Variants in FER observed in about 807,000 individuals in gnomAD.
FER encodes tyrosine-protein kinase Fer.
In FER, 63 loss-of-function variants were observed where a neutral mutation model predicts 111.0. That is an observed-to-expected ratio of 0.57 (90% confidence interval 0.46 to 0.70). FER has a LOEUF of 0.70. FER is among the 30% of genes least tolerant of loss of function. The pLI is 0.00. For synonymous variants in FER, 327 were observed against 313.9 expected, an observed-to-expected ratio of 1.04 and a Z score of -0.44; for missense variants, 914 against 954.0, an observed-to-expected ratio of 0.96 and a Z score of 0.55.
At chr5:108,750,692 T>C (rs966558882) in intron 1 of FER, among the ~76,000 whole-genome samples, 1 of 152,234 alleles carries the variant, frequency 6.6e-6, no homozygotes, top group Non-Finnish European at 1.5e-5. Context: ...ACATTTCATC[T>C]TCGATGTAGA....
At chr5:109,013,079 T>C (rs1431970071) in intron 13 of FER, among the ~76,000 whole-genome samples, 2 of 151,616 alleles carry the variant, frequency 1.3e-5, no homozygotes, top group Non-Finnish European at 2.9e-5. Flanking sequence ...TAATTTAATT[T>C]AATTTTATTA....
intron 5 of FER, among the ~76,000 whole-genome samples, chr5:108,840,380 A>C (rs1474185477): frequency 1.3e-5 from 2 of 152,154 alleles, no homozygotes; most frequent in Non-Finnish European, 2.9e-5. Flanking sequence ...CCAATCTAAT[A>C]GTTTTTATTT....
At chr5:108,930,839 C>T (rs1282080890) in intron 10 of FER, among the ~76,000 whole-genome samples, 2 of 151,574 alleles carry the variant, frequency 1.3e-5, no homozygotes, top group Non-Finnish European at 2.9e-5. Flanking sequence ...GGCTCGAACT[C>T]CTAACCTCAA....
intron 17 of FER, among the ~76,000 whole-genome samples, chr5:109,148,174 G>A (rs1482222464): frequency 6.6e-6 from 1 of 151,952 alleles, no homozygotes; most frequent in Non-Finnish European, 1.5e-5. Flanking sequence ...CAACTCTCCA[G>A]TGAATAATTA....
At chr5:108,939,492 G>T (rs1280331708) in intron 10 of FER, among the ~76,000 whole-genome samples, 1 of 151,972 alleles carries the variant, frequency 6.6e-6, no homozygotes, top group Non-Finnish European at 1.5e-5. Context: ...TGTCGTCAAG[G>T]ATTTGTTTTC....
intron 2 of FER, among the ~76,000 whole-genome samples, chr5:108,774,797 T>G (rs773274420): frequency 7.9e-5 from 12 of 152,176 alleles, no homozygotes; most frequent in Non-Finnish European, 1.6e-4. Flanking sequence ...TATTAGACTT[T>G]TGTCACATGG....
chr5:108,844,807 A>C (rs183740397), intron 5 of FER, among the ~76,000 whole-genome samples: 47 of 151,526 alleles, frequency 3.1e-4, no homozygotes, highest in Admixed American at 6.6e-4. Context: ...AGTTATTTTG[A>C]AATCCATCCA....
intron 16 of FER, among the ~76,000 whole-genome samples, chr5:109,071,626 A>C (rs1232315449): frequency 6.6e-6 from 1 of 151,962 alleles, no homozygotes; most frequent in Non-Finnish European, 1.5e-5. Context: ...AACAGTATAC[A>C]GTCTTATCTT....
rs201587686 is a variant in FER at position 108,853,512 on chromosome 5, T to C, written c.482-14255T>C. Among the ~76,000 whole-genome samples the C allele has an allele frequency of 2.3e-4, 35 of 152,264 alleles. 1 individual carries two copies. The East Asian group carries it at 5.6e-3, about 24-fold the overall frequency. ...TGTATTCCTCATGGAGAAAGAAACA[T>C]TTAAATAAAGAATGAAGGAAGTCAG... On this transcript the variant is annotated intron_variant, in intron 5 of 19. Coordinates refer to ENST00000281092, the MANE Select transcript of FER (RefSeq NM_005246.4).
intron 5 of FER, among the ~76,000 whole-genome samples, chr5:108,853,082 T>A (rs1347394130): frequency 6.6e-6 from 1 of 152,168 alleles, no homozygotes; most frequent in Admixed American, 6.5e-5. Flanking sequence ...TTTGCAATAT[T>A]AGTTTTGGAC....
intron 13 of FER, among the ~76,000 whole-genome samples, chr5:108,972,818 A>C (rs959597037): frequency 1.3e-5 from 2 of 152,194 alleles, no homozygotes; most frequent in Non-Finnish European, 2.9e-5. Flanking sequence ...CTTTGTTTAC[A>C]TTTATGTGTG....
intron 16 of FER, among the ~76,000 whole-genome samples, chr5:109,088,892 A>G (rs539681490): frequency 6.6e-6 from 1 of 152,322 alleles, no homozygotes; most frequent in African/African-American, 2.4e-5. Context: ...AGAGAAAACT[A>G]TTAAATGAAG....
chr5:108,974,617 G>A (rs1761097498), intron 13 of FER, among the ~76,000 whole-genome samples: 1 of 152,216 alleles, frequency 6.6e-6, no homozygotes, highest in Non-Finnish European at 1.5e-5. Flanking sequence ...TTTTGCAGAT[G>A]TGACTATGTT....
In FER at chr5:108,835,239, T is replaced by C. The variant is rs543350455; in HGVS notation, c.382-469T>C. On this transcript the variant is annotated intron_variant, in intron 4 of 19. Transcript: ENST00000281092. ...AAGTTTCAGCCAGGCTGGAGTGCAGTGGTGTGATCTTGGCTCATTGCAACC... is the reference window on the plus strand; with the variant it reads ...AAGTTTCAGCCAGGCTGGAGTGCAGCGGTGTGATCTTGGCTCATTGCAACC... 9.3e-5 allele frequency among the ~76,000 whole-genome samples: 11 copies of C among 117,658 alleles called. No homozygotes were observed. The East Asian group carries it at 3.3e-3, about 35-fold the overall frequency. The allele number at this position is 117,658 out of a possible 152,430, so 77.2% of individuals were successfully genotyped here.
At chr5:109,068,404 G>C (rs1674296709) in intron 16 of FER, among the ~76,000 whole-genome samples, 1 of 152,020 alleles carries the variant, frequency 6.6e-6, no homozygotes, top group Non-Finnish European at 1.5e-5. Context: ...GGCTGGTATC[G>C]AACTCCTGAC....
At chr5:108,836,814 T>C (rs1460250609) in intron 5 of FER, among the ~76,000 whole-genome samples, 3 of 152,016 alleles carry the variant, frequency 2.0e-5, no homozygotes, top group Admixed American at 2.0e-4. Flanking sequence ...CCCTCTTCTT[T>C]ATCTTCTTCC....
intron 17 of FER, among the ~76,000 whole-genome samples, chr5:109,133,197 A>T (rs1483878784): frequency 6.6e-6 from 1 of 152,206 alleles, no homozygotes; most frequent in East Asian, 1.9e-4. Context: ...TGTAGGAGAT[A>T]AGTCAGTCAA....
At chr5:109,061,764 A>G (rs932833281) in intron 16 of FER, among the ~76,000 whole-genome samples, 2 of 152,214 alleles carry the variant, frequency 1.3e-5, no homozygotes, top group African/African-American at 2.4e-5. Context: ...AAGATTTAGA[A>G]AACTGTTAGG....
chr5:108,927,421 C>T (rs569436486), intron 10 of FER, among the ~76,000 whole-genome samples: 35 of 151,900 alleles, frequency 2.3e-4, no homozygotes, highest in Admixed American at 1.1e-3. Context: ...CCACCGCGCC[C>T]GGCTAATTTT....
Sources: allele counts gnomAD v4.1 joint callset (sites outside exome capture counted in the v4.1 genomes callset), GRCh38; gene constraint gnomAD v4.1.1; transcripts MANE v1.5; gene names NCBI Gene and HGNC (gene_info 2026-07-23, HGNC 2026-07-21).